Variants in ATP8B1 observed in about 807,000 individuals in gnomAD.
The protein encoded by ATP8B1 is ATPase phospholipid transporting 8B1.
A neutral mutation model predicts 149.9 loss-of-function variants in ATP8B1; 80 were observed. The observed-to-expected ratio is 0.53, with a 90% CI of 0.45 to 0.64. ATP8B1 has a LOEUF of 0.64. Ranked by LOEUF, ATP8B1 falls within the 30% of genes least tolerant of loss-of-function variation. The probability of loss-of-function intolerance (pLI) is 0.00; values close to 1 mark genes in which losing one functional copy is unlikely to be tolerated. For missense variants in ATP8B1, 1,247 were observed against 1,552.6 expected (o/e 0.80, Z 3.31); for synonymous variants, 536 against 562.8 (o/e 0.95, Z 0.67).
chr18:57,719,489 A>G (rs1488733671), intron 2 of ATP8B1, among the ~76,000 whole-genome samples: 1 of 152,132 alleles, frequency 6.6e-6, no homozygotes, highest in Non-Finnish European at 1.5e-5. Context: ...GAGTCAAAGA[A>G]AGGGGTGACG....
At chr18:57,684,336 T>A in intron 14 of ATP8B1, 144 bp from the exon 15 acceptor site, 1 of 872,330 alleles carries the variant, frequency 1.1e-6, no homozygotes, top group Non-Finnish European at 1.7e-6. Context: ...GTCAAGAGGC[T>A]CACAACTGTC....
chr18:57,694,577 A>G lies in ATP8B1; in HGVS notation c.1029+5T>C, dbSNP rs200663890. 2.0e-5 allele frequency: 31 copies of G among 1,527,960 alleles called. No individual in the cohort carries two copies. The East Asian group carries it at 6.8e-4, about 33-fold the overall frequency. 94.7% of individuals were successfully genotyped at this position (1,527,960 alleles called of 1,614,324 possible). ...GAGAGATCTACTGAGATGAAAAATAAATACCGTGTAAACCATGTAGTTCAT... is the reference window on the plus strand; with the variant it reads ...GAGAGATCTACTGAGATGAAAAATAGATACCGTGTAAACCATGTAGTTCAT... On this transcript the variant is annotated splice_donor_5th_base_variant and intron_variant, in intron 11 of 27. Transcript: ENST00000648908.
intron 1 of ATP8B1, among the ~76,000 whole-genome samples, chr18:57,795,309 G>A (rs560181182): frequency 5.3e-5 from 8 of 151,900 alleles, no homozygotes; most frequent in South Asian, 2.1e-4. Context: ...AGGCTGAAGC[G>A]GGAGGATGGC....
At chr18:57,696,797 T>C (rs986867797) in intron 8 of ATP8B1, among the ~76,000 whole-genome samples, 2 of 152,168 alleles carry the variant, frequency 1.3e-5, no homozygotes, top group African/African-American at 4.8e-5. Context: ...ATAATATTCG[T>C]CTCACATGGT....
chr18:57,759,696 C>T (rs2080128265), intron 1 of ATP8B1, among the ~76,000 whole-genome samples: 1 of 151,856 alleles, frequency 6.6e-6, no homozygotes, highest in South Asian at 2.1e-4. Flanking sequence ...CGCCTGTAGT[C>T]CCAGCTACTC....
chr18:57,736,383 T>C (rs2079854743), intron 1 of ATP8B1, among the ~76,000 whole-genome samples: 1 of 151,684 alleles, frequency 6.6e-6, no homozygotes, highest in African/African-American at 2.4e-5. Flanking sequence ...GTCTTAGCCA[T>C]AAAATCTTTG....
intron 11 of ATP8B1, among the ~76,000 whole-genome samples, chr18:57,693,814 T>C (rs1912665782): frequency 6.6e-6 from 1 of 152,216 alleles, no homozygotes; most frequent in South Asian, 2.1e-4. Flanking sequence ...GTCTAGAGTT[T>C]TTTTGTTAAA....
intron 6 of ATP8B1, among the ~76,000 whole-genome samples, chr18:57,700,150 T>A (rs1454536265): frequency 2.6e-5 from 4 of 152,242 alleles, no homozygotes; most frequent in Non-Finnish European, 5.9e-5. Context: ...ATTTGTCATT[T>A]CGGACTTACA....
At chr18:57,662,756 TCA>T in intron 20 of ATP8B1, 141 bp from the exon 21 acceptor site, 1 of 985,298 alleles carries the variant, frequency 1.0e-6, no homozygotes, top group Non-Finnish European at 1.5e-6. Context: ...TATTTTATTT[TCA>T]TTATAATTTT....
rs993669238 is a variant in ATP8B1, at chr18:57,653,988, C to G, written c.3015+4G>C. On this transcript the variant is annotated splice_donor_region_variant and intron_variant, in intron 24 of 27. Coordinates refer to ENST00000648908, the MANE Select transcript of ATP8B1 (RefSeq NM_001374385.1). Reference sequence around the variant, plus strand: ...AAGTGTCCCTGCTTGTGCGAGGCTCCTACCTGGTCGAGCAGCCCCATGAGG... The same window carrying G: ...AAGTGTCCCTGCTTGTGCGAGGCTCGTACCTGGTCGAGCAGCCCCATGAGG... 6.8e-6 allele frequency: 11 copies of G among 1,612,616 alleles called. No individual in the cohort carries two copies. The Middle Eastern group carries it at 5.0e-4, about 73-fold the overall frequency.
chr18:57,684,417 C>T (rs1912133171), intron 14 of ATP8B1, among the ~76,000 whole-genome samples: 1 of 151,862 alleles, frequency 6.6e-6, no homozygotes, highest in African/African-American at 2.4e-5. Context: ...CACTCTGTCA[C>T]CCGGGCTGGA....
intron 1 of ATP8B1, among the ~76,000 whole-genome samples, chr18:57,801,578 T>A (rs931587604): frequency 9.2e-5 from 14 of 152,218 alleles, no homozygotes; most frequent in African/African-American, 3.4e-4. Context: ...TTTGCTGTCG[T>A]GTCCCCCATA....
At chr18:57,755,692 C>G (rs1237711774) in intron 1 of ATP8B1, among the ~76,000 whole-genome samples, 1 of 152,154 alleles carries the variant, frequency 6.6e-6, no homozygotes, top group Non-Finnish European at 1.5e-5. Flanking sequence ...CCAAAGGGAG[C>G]TTTTAACTTT....
intron 2 of ATP8B1, among the ~76,000 whole-genome samples, chr18:57,714,930 A>G (rs775393479): frequency 3.3e-5 from 5 of 152,216 alleles, no homozygotes; most frequent in Admixed American, 6.5e-5. Context: ...GGAAAACATG[A>G]CTTCACCAAA....
intron 15 of ATP8B1, among the ~76,000 whole-genome samples, chr18:57,675,452 C>A (rs955727060): frequency 6.6e-6 from 1 of 152,192 alleles, no homozygotes; most frequent in African/African-American, 2.4e-5. Context: ...AACATTTGAA[C>A]AAATGTAAAT....
rs1287415755 is a variant in ATP8B1 at position 57,648,663 on chromosome 18, C to A, written c.3581G>T (p.Arg1194Leu). 1.3e-6 allele frequency: 2 copies of A among 1,576,238 alleles called. No individual in the cohort carries two copies. The highest frequency in any genetic ancestry group is 1.4e-5 in the African/African-American group (1 of 74,068). Residue 1194 changes from arginine (R) to leucine (L), a missense_variant, in exon 28 of 28, where the codon CGG becomes CTG. Arg to Leu is a moderately radical substitution (Grantham distance 102). This residue lies in a region of ATP8B1 where 164 missense variants were observed against 160.3 expected (regional missense o/e 1.02). Coordinates refer to ENST00000648908, the MANE Select transcript of ATP8B1 (RefSeq NM_001374385.1). ...CACGCCCCGGCGGAACACCTGCTGC[C>A]GTCGCTGCCACTGCTCCTCCGCCTT... ...RLKAEEQWQR[R>L]QQVFRRGVST...
At chr18:57,654,979 G>C (rs974897553) in intron 23 of ATP8B1, among the ~76,000 whole-genome samples, 6 of 151,430 alleles carry the variant, frequency 4.0e-5, no homozygotes, top group African/African-American at 1.2e-4. Context: ...GAGCCACCAT[G>C]CCTGGCCAAA....
chr18:57,665,347 A>C (rs945325318), intron 20 of ATP8B1, among the ~76,000 whole-genome samples: 4 of 152,184 alleles, frequency 2.6e-5, no homozygotes, highest in African/African-American at 9.7e-5. Context: ...AGCTAAGGGC[A>C]TGGTCACAAC....
At chr18:57,698,066 G>A (rs1912913498) in intron 6 of ATP8B1, among the ~76,000 whole-genome samples, 199 bp from the exon 7 acceptor site, 1 of 152,206 alleles carries the variant, frequency 6.6e-6, no homozygotes, top group Non-Finnish European at 1.5e-5. Flanking sequence ...AATGATGAAT[G>A]ACTTTGATAC....
Sources: allele counts gnomAD v4.1 joint callset (sites outside exome capture counted in the v4.1 genomes callset), GRCh38; gene constraint gnomAD v4.1.1; regional missense constraint gnomAD v4.1.1; transcripts MANE v1.5; gene names NCBI Gene and HGNC (gene_info 2026-07-23, HGNC 2026-07-21).